The following HHATL variants were observed in gnomAD, a reference collection of about 807,000 sequenced individuals.
HHATL encodes the protein hedgehog acyltransferase like.
In HHATL, 49 loss-of-function variants were observed where a neutral mutation model predicts 59.7. That is an observed-to-expected ratio of 0.82 (90% confidence interval 0.65 to 1.04). The LOEUF (loss-of-function observed/expected upper bound fraction) is 1.04, where lower values mean the gene tolerates loss of function less well. HHATL is among the 50% of genes least tolerant of loss of function. The pLI is 0.00. For synonymous variants in HHATL, 238 were observed against 257.3 expected (o/e 0.93, Z 0.72); for missense variants, 605 against 650.8 (o/e 0.93, Z 0.77).
Position 42,697,621 on chromosome 3 carries a change from G to C in HHATL, c.752C>G (p.Ala251Gly). The change falls in exon 7 of 12, where the codon GCA (alanine) becomes GGA (glycine). Residue 251 changes from alanine (A) to glycine (G), a missense_variant. By Grantham distance (60) the Ala-to-Gly change is moderately conservative. Coordinates refer to ENST00000441594, the MANE Select transcript of HHATL (RefSeq NM_020707.4). ...EGELWHIRAQAGLSVVAIMAV... is the reference protein window; with the variant it reads ...EGELWHIRAQGGLSVVAIMAV... ...CATGATGGCCACCACGCTTAGGCCT[G>C]CCTGGGCTCGGATGTGCCACAGCTC... 1 of 1,614,168 alleles carries C rather than the reference G, an allele frequency of 6.2e-7. No homozygotes were observed. Among genetic ancestry groups the C allele is most frequent in the Non-Finnish European group, 8.5e-7 (1 of 1,179,996 alleles).
Position 42,698,348 on chromosome 3 carries a change from C to T in HHATL, c.487G>A (p.Gly163Arg), listed in dbSNP as rs749428104. 4.8e-5 allele frequency: 78 copies of T among 1,609,638 alleles called. No individual in the cohort carries two copies. In the South Asian group the frequency reaches 4.9e-4, roughly 10 times the overall value. ...KMDPLISWQS[G>R]FVTGTFDLQE... ...AGATCAAAAGTGCCTGTTACAAACCCGCTCTGGAGGGGGAAAGAACAGGCC... is the reference window on the plus strand; with the variant it reads ...AGATCAAAAGTGCCTGTTACAAACCTGCTCTGGAGGGGGAAAGAACAGGCC... The change falls in exon 6 of 12, where the codon GGG becomes AGG. Residue 163 changes from glycine (G) to arginine (R), a missense_variant. By Grantham distance (125) the Gly-to-Arg change is moderately radical. Coordinates refer to ENST00000441594, the MANE Select transcript of HHATL (RefSeq NM_020707.4).
intron 3 of HHATL, 22 bp from the exon 4 acceptor site, chr3:42,699,167 G>T: frequency 6.3e-7 from 1 of 1,588,800 alleles, no homozygotes; most frequent in Non-Finnish European, 8.6e-7. Context: ...CGGGGCAGAA[G>T]GAGGTGGGGC....
intron 9 of HHATL, 78 bp downstream of exon 9, chr3:42,696,764 T>G: frequency 7.4e-6 from 11 of 1,494,592 alleles, no homozygotes; most frequent in Non-Finnish European, 1.0e-5. Context: ...TCTTTTAAAA[T>G]GTGGACCCAT....
rs774396693 is a variant in HHATL, at chr3:42,697,660, A to ACTGGCTCCAC, written c.703_712dup (p.Val238GlyfsTer9). 1 of 1,613,484 alleles carries ACTGGCTCCAC rather than the reference A, an allele frequency of 6.2e-7. No homozygotes were observed. The highest frequency in any genetic ancestry group is 1.1e-5 in the South Asian group (1 of 91,064). On this transcript the variant is annotated frameshift_variant, in exon 7 of 12. Coordinates refer to ENST00000441594, the MANE Select transcript of HHATL (RefSeq NM_020707.4). LOFTEE classifies it high-confidence loss of function. ...GTGCCACAGCTCACCCTCGCGTCTC[A>ACTGGCTCCAC]CTGGCTCCACCTGGCTCACCTGGGG...
chr3:42,698,310 C>G lies in HHATL; in HGVS notation c.525G>C (p.Leu175=). ...CTGTGAAGCTGCTGCCCCCATGAAA[C>G]AGCACCTCTTGAAGATCAAAAGTGC... ...VTGTFDLQEV[L]FHGGSSFTVL... Residue 175 remains leucine, a synonymous_variant, in exon 6 of 12, where the codon CTG becomes CTC. Coordinates refer to ENST00000441594, the MANE Select transcript of HHATL (RefSeq NM_020707.4). The G allele has an allele frequency of 1.2e-6, 2 of 1,613,806 alleles. No individual in the cohort carries two copies. Among genetic ancestry groups the G allele is most frequent in the African/African-American group, 1.3e-5 (1 of 75,032 alleles).
chr3:42,697,804 G>C, intron 6 of HHATL, 125 bp from the exon 7 acceptor site: 1 of 1,035,878 alleles, frequency 9.7e-7, no homozygotes, highest in Non-Finnish European at 1.4e-6. Flanking sequence ...CTGCCTGAGG[G>C]TGGAGACAGA....
chr3:42,698,381 C>A (rs761274628), intron 5 of HHATL, 30 bp from the exon 6 acceptor site: 4 of 1,590,066 alleles, frequency 2.5e-6, no homozygotes, highest in African/African-American at 2.7e-5. Flanking sequence ...GCCACCAGCT[C>A]ACTAGGGTGC....
At chr3:42,698,595 A>G (rs1175244109) in intron 5 of HHATL, 113 bp downstream of exon 5, 3 of 1,304,206 alleles carry the variant, frequency 2.3e-6, no homozygotes, top group Non-Finnish European at 3.2e-6. Context: ...AGGCTTGAAG[A>G]CAGGTGGAAA....
chr3:42,700,609 G>A (rs1184041138), intron 2 of HHATL, 112 bp downstream of exon 2: 1 of 659,144 alleles, frequency 1.5e-6, no homozygotes, highest in South Asian at 2.0e-5. Context: ...CCGTGTTCTA[G>A]AAGGAGTACC....
intron 10 of HHATL, 72 bp from the exon 11 acceptor site, chr3:42,693,290 C>G: frequency 6.3e-7 from 1 of 1,576,662 alleles, no homozygotes; most frequent in Non-Finnish European, 8.6e-7. Context: ...GGTCAGCAGC[C>G]TTACCCACCT....
chr3:42,702,120 T>C (rs1229124711), intron 1 of HHATL, among the ~76,000 whole-genome samples: 1 of 152,192 alleles, frequency 6.6e-6, no homozygotes, highest in Non-Finnish European at 1.5e-5. Context: ...AGACCACCAC[T>C]GCCCCTGCCC....
intron 7 of HHATL, 31 bp downstream of exon 7, chr3:42,697,477 C>A (rs1304683070): frequency 6.2e-7 from 1 of 1,600,372 alleles, no homozygotes; most frequent in African/African-American, 1.3e-5. Context: ...GGGGCGGCAG[C>A]CCTGCCCCCA....
intron 9 of HHATL, among the ~76,000 whole-genome samples, chr3:42,695,680 T>C (rs1697579132): frequency 6.6e-6 from 1 of 152,206 alleles, no homozygotes; most frequent in South Asian, 2.1e-4. Flanking sequence ...TCTCAGCTGA[T>C]GGCCGTGCCT....
rs770281277 is a variant in HHATL at position 42,697,043 on chromosome 3, T to C, written c.968A>G (p.Gln323Arg). The change falls in exon 8 of 12, where the codon CAG (glutamine) becomes CGG (arginine). Residue 323 changes from glutamine (Q) to arginine (R), a missense_variant. Physicochemically the swap from Gln to Arg is conservative, Grantham distance 43 (BLOSUM62 1). Transcript: ENST00000441594. The part of the protein sequence containing the change: ...VACLDHLDPP[Q>R]PPKCITALYV... ...GAGTGCGGTGATGCACTTGGGAGGC[T>C]GGGGTGGGTCCAGGTGGTCGAGGCA... 3.8e-6 allele frequency: 6 copies of C among 1,598,114 alleles called. No individual in the cohort carries two copies. The South Asian group carries it at 4.5e-5, about 12-fold the overall frequency.
Position 42,700,805 on chromosome 3 carries a change from G to A in HHATL, c.22C>T (p.Pro8Ser), listed in dbSNP as rs1697938049. 1 of 1,613,836 alleles carries A rather than the reference G, an allele frequency of 6.2e-7. No individual in the cohort carries two copies. The highest frequency in any genetic ancestry group is 8.5e-7 in the Non-Finnish European group (1 of 1,179,794). MGIKTAL[P>S]AAELGLYSLV... Reference sequence around the variant, plus strand: ...GAGTAGAGGCCCAGCTCAGCCGCCGGCAATGCTGTCTTGATGCCCATAGCC... The same window carrying A: ...GAGTAGAGGCCCAGCTCAGCCGCCGACAATGCTGTCTTGATGCCCATAGCC... The change falls in exon 2 of 12, where the codon CCG becomes TCG. Residue 8 changes from proline to serine, a missense_variant. Physicochemically the swap from Pro to Ser is moderately conservative, Grantham distance 74. Transcript: ENST00000441594.
chr3:42,699,614 G>A, intron 3 of HHATL, 144 bp downstream of exon 3: 1 of 671,372 alleles, frequency 1.5e-6, no homozygotes, highest in Non-Finnish European at 2.6e-6. Context: ...TACAGGAGGG[G>A]CCAGTAAAGA....
At chr3:42,694,775 A>G (rs1697532799) in intron 9 of HHATL, among the ~76,000 whole-genome samples, 1 of 152,110 alleles carries the variant, frequency 6.6e-6, no homozygotes, top group African/African-American at 2.4e-5. Flanking sequence ...TCAAATCTCA[A>G]TTCAAATATC....
chr3:42,699,903 C>G, intron 2 of HHATL, 78 bp from the exon 3 acceptor site: 1 of 1,239,260 alleles, frequency 8.1e-7, no homozygotes, highest in African/African-American at 1.5e-5. Flanking sequence ...AAGGCTGCCC[C>G]ACCCTGGGGA....
At chr3:42,693,553 A>T in intron 10 of HHATL, 64 bp downstream of exon 10, 1 of 1,397,376 alleles carries the variant, frequency 7.2e-7, no homozygotes, top group Non-Finnish European at 1.0e-6. Flanking sequence ...AACTCCAGAA[A>T]GCAGCAGTGC....
Sources: gnomAD v4.1 joint callset for allele counts (sites outside exome capture counted in the v4.1 genomes callset) on GRCh38, gnomAD v4.1.1 for gene constraint, MANE v1.5 for transcripts, NCBI Gene and HGNC (gene_info 2026-07-23, HGNC 2026-07-21) for gene names.